The following MAMLD1 variants were observed in gnomAD, a reference collection of about 807,000 sequenced individuals.
MAMLD1 encodes mastermind-like domain-containing protein 1.
MAMLD1 carries 14 observed loss-of-function variants against 45.0 expected under a neutral mutation model. The observed-to-expected ratio is 0.31, with a 90% CI of 0.21 to 0.49. The LOEUF (loss-of-function observed/expected upper bound fraction) is 0.49, where lower values mean the gene tolerates loss of function less well. MAMLD1 is among the 20% of genes least tolerant of loss of function. MAMLD1 has a pLI of 0.99. For missense variants in MAMLD1, 543 were observed against 603.6 expected, an observed-to-expected ratio of 0.90 and a Z score of 1.05; for synonymous variants, 254 against 247.8, an observed-to-expected ratio of 1.02 and a Z score of -0.24.
rs111663590 is a variant in MAMLD1, at chrX:150,407,278, C to T, written c.-63-38176C>T. ...GACCTAGCAGTAGGTCTCATAATTA[C>T]TGTAATTTCAAGGTAGTGATATTTG... On this transcript the variant is annotated intron_variant, in intron 1 of 7. Transcript: ENST00000370401. Among the ~76,000 whole-genome samples the T allele has an allele frequency of 2.8e-3, 317 of 112,157 alleles. 1 individual carries two copies. Among genetic ancestry groups the T allele is most frequent in the African/African-American group, 9.6e-3 (298 of 30,901 alleles).
At chrX:150,370,364 C>G (rs1184229482) in intron 1 of MAMLD1, among the ~76,000 whole-genome samples, 1 of 111,765 alleles carries the variant, frequency 8.9e-6, no homozygotes, top group Non-Finnish European at 1.9e-5. Flanking sequence ...TTCATAAATC[C>G]GAATGAACCT....
At chrX:150,472,773 G>A (rs2036468930) in intron 4 of MAMLD1, among the ~76,000 whole-genome samples, 1 of 112,013 alleles carries the variant, frequency 8.9e-6, no homozygotes. Flanking sequence ...TTCATGAGAT[G>A]TAAGCCAGAG....
Position 150,469,923 on chromosome X carries a change from C to T in MAMLD1, c.350C>T (p.Pro117Leu), listed in dbSNP as rs782652441. 3.3e-6 allele frequency: 4 copies of T among 1,211,785 alleles called. 1 individual carries two copies. In the South Asian group the frequency reaches 7.0e-5, roughly 21 times the overall value. ...ELQVPPLTIN[P>L]SPAAMGVAGQ... The stretch of plus-strand genomic sequence containing the variant: ...CAGGTCCCTCCATTGACAATAAATC[C>T]TAGCCCTGCGGCTATGGGAGTGGCT... The change falls in exon 4 of 8, where the codon CCT becomes CTT. Residue 117 changes from proline (P) to leucine (L), a missense_variant. Transcript: ENST00000370401.
chrX:150,474,154 T>C, intron 5 of MAMLD1, among the ~76,000 whole-genome samples: 1 of 111,539 alleles, frequency 9.0e-6, no homozygotes, highest in Non-Finnish European at 1.9e-5. Context: ...TTCACCTGCC[T>C]CTTCTCATTT....
At chrX:150,370,859 C>A (rs782729599) in intron 1 of MAMLD1, among the ~76,000 whole-genome samples, 1 of 112,145 alleles carries the variant, frequency 8.9e-6, no homozygotes, top group East Asian at 2.8e-4. Context: ...AGGGGCCTCC[C>A]TGGCTGTAGG....
Position 150,473,817 on chromosome X carries a change from T to C in MAMLD1, c.2040+15T>C. ...CGTCTAACATTGTGAGCCTTTCTGT[T>C]TTGTTTTGTCTTCAATTGGGTACAT... On this transcript the variant is annotated intron_variant, in intron 5 of 7. Transcript: ENST00000370401. 3 of 1,208,220 alleles carry C rather than the reference T, an allele frequency of 2.5e-6. No homozygotes were observed. The highest frequency in any genetic ancestry group is 3.4e-6 in the Non-Finnish European group (3 of 892,432).
At chrX:150,442,407 A>T (rs2035347132) in intron 1 of MAMLD1, among the ~76,000 whole-genome samples, 1 of 111,089 alleles carries the variant, frequency 9.0e-6, no homozygotes, top group Non-Finnish European at 1.9e-5. Context: ...CAATGTTTAG[A>T]ATTCCATTTG....
At chrX:150,471,831 C>G (rs1330272163) in intron 4 of MAMLD1, among the ~76,000 whole-genome samples, 1 of 112,099 alleles carries the variant, frequency 8.9e-6, no homozygotes, top group Non-Finnish European at 1.9e-5. Context: ...ACTAGTGAAT[C>G]CTTCTTAAGA....
At chrX:150,395,977 C>CT (rs1337104374) in intron 1 of MAMLD1, among the ~76,000 whole-genome samples, 1,602 of 102,595 alleles carry the variant, frequency 0.016, 11 homozygotes, top group Non-Finnish European at 0.023. Flanking sequence ...GTTTAATGTG[C>CT]TTTTTTTTTT....
intron 5 of MAMLD1, among the ~76,000 whole-genome samples, chrX:150,479,270 T>A (rs1557407018): frequency 8.9e-6 from 1 of 111,905 alleles, no homozygotes; most frequent in Non-Finnish European, 1.9e-5. Context: ...CTTTACATTG[T>A]TCCCCTGGAG....
chrX:150,488,635 T>C (rs1306657865), intron 5 of MAMLD1, among the ~76,000 whole-genome samples: 2 of 113,006 alleles, frequency 1.8e-5, no homozygotes, highest in Admixed American at 1.9e-4. Flanking sequence ...ATCCCACATA[T>C]ATTGAATTTG....
intron 1 of MAMLD1, among the ~76,000 whole-genome samples, chrX:150,440,573 T>G (rs914678181): frequency 5.4e-5 from 6 of 110,323 alleles, no homozygotes; most frequent in African/African-American, 9.8e-5. Flanking sequence ...TTGGGTAAAT[T>G]TTGGCAGTTT....
At chrX:150,417,344 AT>A (rs1411463784) in intron 1 of MAMLD1, among the ~76,000 whole-genome samples, 8 of 104,781 alleles carry the variant, frequency 7.6e-5, no homozygotes, top group Non-Finnish European at 1.6e-4. Context: ...TGAACTCATC[AT>A]TTTTTATGGC....
chrX:150,364,838 C>A (rs886572672), intron 1 of MAMLD1, among the ~76,000 whole-genome samples: 1 of 113,178 alleles, frequency 8.8e-6, no homozygotes, highest in Non-Finnish European at 1.9e-5. Flanking sequence ...TAGACCCCCG[C>A]GGGAATTGCG....
intron 1 of MAMLD1, among the ~76,000 whole-genome samples, chrX:150,432,963 T>A (rs2035003516): frequency 8.9e-6 from 1 of 112,114 alleles, no homozygotes; most frequent in African/African-American, 3.2e-5. Context: ...TCATTGTTAG[T>A]TTGATAGGAA....
chrX:150,425,397 A>C (rs1052908759), intron 1 of MAMLD1, among the ~76,000 whole-genome samples: 11 of 112,785 alleles, frequency 9.8e-5, no homozygotes, highest in South Asian at 3.6e-4. Flanking sequence ...TCAACTTTTC[A>C]AAGCTAAAAG....
intron 5 of MAMLD1, among the ~76,000 whole-genome samples, chrX:150,491,217 C>A (rs1349472382): frequency 8.9e-6 from 1 of 111,742 alleles, no homozygotes; most frequent in African/African-American, 3.3e-5. Context: ...GAAACTGAGG[C>A]TTAGAGAGGT....
At chrX:150,403,940 A>AAAAGAAAGAAAGAAAGAAAGAAAG (rs1167882848) in intron 1 of MAMLD1, among the ~76,000 whole-genome samples, 27 of 58,886 alleles carry the variant, frequency 4.6e-4, no homozygotes, top group South Asian at 1.0e-3. Context: ...AGAAAGAAAG[A>AAAAGAAAGAAAGAAAGAAAGAAAG]AAAGAAAGAA....
At chrX:150,483,346 AG>A (rs1557407430) in intron 5 of MAMLD1, among the ~76,000 whole-genome samples, 1 of 112,439 alleles carries the variant, frequency 8.9e-6, no homozygotes, top group African/African-American at 3.2e-5. Flanking sequence ...TAAACTCCTC[AG>A]GCATAGGAAG....
Sources: allele counts gnomAD v4.1 joint callset (sites outside exome capture counted in the v4.1 genomes callset), GRCh38; gene constraint gnomAD v4.1.1; transcripts MANE v1.5; gene names NCBI Gene and HGNC (gene_info 2026-07-23, HGNC 2026-07-21).